The following RBPJ variants were observed in gnomAD, a reference collection of about 807,000 sequenced individuals.
RBPJ encodes recombining binding protein suppressor of hairless.
RBPJ carries 9 observed loss-of-function variants against 67.8 expected under a neutral mutation model. The observed-to-expected ratio is 0.13, with a 90% CI of 0.08 to 0.23. The LOEUF is 0.23. Ranked by LOEUF, RBPJ falls within the 10% of genes least tolerant of loss-of-function variation. The pLI, the probability that RBPJ is intolerant of heterozygous loss-of-function variation, is 1.00. For missense variants in RBPJ, 305 were observed against 595.6 expected, an observed-to-expected ratio of 0.51 and a Z score of 5.08; for synonymous variants, 198 against 203.3, an observed-to-expected ratio of 0.97 and a Z score of 0.22.
At chr4:26,181,104 G>A (rs191893968) in intron 1 of RBPJ, among the ~76,000 whole-genome samples, 165 of 152,282 alleles carry the variant, frequency 1.1e-3, no homozygotes, top group Middle Eastern at 6.8e-3. Context: ...CTGTGAGTCC[G>A]TTAAACCTCT....
intron 1 of RBPJ, among the ~76,000 whole-genome samples, chr4:26,171,542 G>A (rs1436977911): frequency 1.3e-5 from 2 of 152,192 alleles, no homozygotes; most frequent in Non-Finnish European, 2.9e-5. Context: ...CAGCCTGGGT[G>A]ACAGAGTGAG....
chr4:26,424,517 A>G lies in RBPJ; in HGVS notation c.634+38A>G. ...GTGTGCATTTAATGTTTTTAGTGTG[A>G]AATTGTTAAAATCTTTTGATGAGAT... On this transcript the variant is annotated intron_variant, in intron 6 of 10. Coordinates refer to ENST00000355476, the MANE Select transcript of RBPJ (RefSeq NM_015874.6). This position sits in a 1 kb window ranked among gnomAD's most constrained non-coding sequence, Gnocchi z 5.3. 1 of 1,602,724 alleles carries G rather than the reference A, an allele frequency of 6.2e-7. No homozygotes were observed. Among genetic ancestry groups the G allele is most frequent in the Non-Finnish European group, 8.5e-7 (1 of 1,172,406 alleles).
chr4:26,165,489 C>T (rs1716238939), intron 1 of RBPJ, among the ~76,000 whole-genome samples: 1 of 151,978 alleles, frequency 6.6e-6, no homozygotes, highest in Non-Finnish European at 1.5e-5. Context: ...CAAGGGTTAC[C>T]TAGGTAAGAT....
At chr4:26,244,781 C>A (rs1296108983) in intron 1 of RBPJ, among the ~76,000 whole-genome samples, 3 of 151,914 alleles carry the variant, frequency 2.0e-5, no homozygotes, top group African/African-American at 7.3e-5. Flanking sequence ...CACACCACTT[C>A]AGGCCCACAC....
chr4:26,236,443 A>G (rs1490533692), intron 1 of RBPJ, among the ~76,000 whole-genome samples: 1 of 152,198 alleles, frequency 6.6e-6, no homozygotes, highest in Non-Finnish European at 1.5e-5. Flanking sequence ...ATGAAGTTGC[A>G]GTCAGATGTT....
chr4:26,300,682 A>T (rs1577404249), intron 1 of RBPJ, among the ~76,000 whole-genome samples: 1 of 152,136 alleles, frequency 6.6e-6, no homozygotes, highest in South Asian at 2.1e-4. Context: ...CTCTTTCATT[A>T]TCTGTGTCTC....
At chr4:26,235,452 A>G (rs181308537) in intron 1 of RBPJ, among the ~76,000 whole-genome samples, 84 of 152,376 alleles carry the variant, frequency 5.5e-4, no homozygotes, top group African/African-American at 1.9e-3. Flanking sequence ...ATTTAAAAAC[A>G]AAAACAAAAA....
At chr4:26,216,254 T>C (rs904769357) in intron 1 of RBPJ, among the ~76,000 whole-genome samples, 1 of 152,142 alleles carries the variant, frequency 6.6e-6, no homozygotes, top group Admixed American at 6.6e-5. Flanking sequence ...GCAAAGACTC[T>C]TTTTGCAAAT....
chr4:26,319,480 GCGCCCGC>G (rs937893686), upstream of RBPJ, among the ~76,000 whole-genome samples: 3 of 80,220 alleles, frequency 3.7e-5, no homozygotes, highest in Non-Finnish European at 7.7e-5. Flanking sequence ...CACCCCGCCC[GCGCCCGC>G]CGCCCGCCGC....
At position 26,393,373 on chromosome 4, in the gene RBPJ, C is replaced by CT. The variant is rs531965780; in HGVS notation, c.59+6989dup. Among the ~76,000 whole-genome samples the CT allele has an allele frequency of 9.9e-5, 15 of 151,964 alleles. No homozygotes were observed. In the South Asian group the frequency reaches 2.1e-3, roughly 21 times the overall value. ...AATATAATTTTAGGTACCATCTGGC[C>CT]TTTTTTTGTTTTGTTTTGAGAGACA... On this transcript the variant is annotated intron_variant, in intron 2 of 10. Coordinates refer to ENST00000355476, the MANE Select transcript of RBPJ (RefSeq NM_015874.6).
chr4:26,237,829 T>C (rs1719503909), intron 1 of RBPJ, among the ~76,000 whole-genome samples: 1 of 152,218 alleles, frequency 6.6e-6, no homozygotes, highest in Non-Finnish European at 1.5e-5. Flanking sequence ...AGCTTGACAC[T>C]TTGAGTTCCA....
intron 1 of RBPJ, among the ~76,000 whole-genome samples, chr4:26,188,481 GT>G (rs1348797973): frequency 6.6e-6 from 1 of 152,108 alleles, no homozygotes; most frequent in Non-Finnish European, 1.5e-5. Context: ...TATTTTACCA[GT>G]TATCCTTACA....
chr4:26,430,260 T>G lies in RBPJ; in HGVS notation c.1045-159T>G. ...GAAAATTTAAATGTAAATAAACTTG[T>G]ATGTTATCTTGAAATGTTTTTAGCT... On this transcript the variant is annotated intron_variant, in intron 9 of 10. Transcript: ENST00000355476. This position sits in a 1 kb window ranked among gnomAD's most constrained non-coding sequence, Gnocchi z 4.1. The G allele has an allele frequency of 1.2e-6, 1 of 841,978 alleles. No individual in the cohort carries two copies. The highest frequency in any genetic ancestry group is 2.7e-5 in the Admixed American group (1 of 37,520). 52.2% of individuals were successfully genotyped at this position (841,978 alleles called of 1,614,324 possible).
At chr4:26,114,743 G>T in the RBPJ span, among the ~76,000 whole-genome samples, 125 of 152,054 alleles carry the variant, frequency 8.2e-4, no homozygotes, top group African/African-American at 3.0e-3. Context: ...ATATATATGG[G>T]TGTATATGTA....
intron 1 of RBPJ, among the ~76,000 whole-genome samples, chr4:26,263,095 T>C (rs1720592890): frequency 6.6e-6 from 1 of 152,230 alleles, no homozygotes; most frequent in Non-Finnish European, 1.5e-5. Context: ...AGGTTCGCAC[T>C]TTGATTGTAC....
rs1213822428 is a variant in RBPJ, at chr4:26,434,301, C to T, written c.*3294C>T. 2 of 152,114 alleles carry T rather than the reference C, an allele frequency of 1.3e-5. No individual in the cohort carries two copies. The highest frequency in any genetic ancestry group is 1.3e-4 in the Admixed American group (2 of 15,274). The allele number at this position is 152,114 out of a possible 1,614,324, so 9.4% of individuals were successfully genotyped here. A position where few individuals can be genotyped will look rare whatever the true frequency, so the allele number is the denominator to read the frequency against. On this transcript the variant is annotated 3_prime_UTR_variant, in exon 11 of 11. Coordinates refer to ENST00000355476, the MANE Select transcript of RBPJ (RefSeq NM_015874.6). The stretch of plus-strand genomic sequence containing the variant: ...TTTATTGTTTTTAATGAAACTGGTA[C>T]CATCTGTGCTTTCACAAAAAACTTC...
chr4:26,146,236 T>G, the RBPJ span, among the ~76,000 whole-genome samples: 7 of 152,218 alleles, frequency 4.6e-5, no homozygotes, highest in Non-Finnish European at 1.0e-4. Flanking sequence ...CATGAGCCAG[T>G]GCACCCAGCC....
chr4:26,351,943 T>C (rs1400747307), intron 1 of RBPJ, among the ~76,000 whole-genome samples: 1 of 152,146 alleles, frequency 6.6e-6, no homozygotes, highest in Admixed American at 6.6e-5. Context: ...TAAGAGCTGC[T>C]TTGGGTCGGG....
At chr4:26,240,229 CA>C (rs1279548053) in intron 1 of RBPJ, among the ~76,000 whole-genome samples, 1 of 152,156 alleles carries the variant, frequency 6.6e-6, no homozygotes, top group Non-Finnish European at 1.5e-5. Context: ...ATCTGAAATG[CA>C]AATTTAACTG....
Sources: gnomAD v4.1 joint callset for allele counts (sites outside exome capture counted in the v4.1 genomes callset) on GRCh38, gnomAD v4.1.1 for gene constraint, Gnocchi (gnomAD v3.1) non-coding constraint, MANE v1.5 for transcripts, NCBI Gene and HGNC (gene_info 2026-07-23, HGNC 2026-07-21) for gene names.